TBX15: variants seen among roughly 807,000 people sequenced by gnomAD.
The protein encoded by TBX15 is T-box transcription factor TBX15.
A neutral mutation model predicts 53.9 loss-of-function variants in TBX15; 18 were observed. That is an observed-to-expected ratio of 0.33 (90% CI 0.23 to 0.49). The LOEUF (loss-of-function observed/expected upper bound fraction) is 0.49, where lower values mean the gene tolerates loss of function less well. Ranked by LOEUF, TBX15 falls within the 20% of genes least tolerant of loss-of-function variation. The probability of loss-of-function intolerance (pLI) is 0.98; values close to 1 mark genes in which losing one functional copy is unlikely to be tolerated. For synonymous variants in TBX15, 295 were observed against 278.0 expected, an observed-to-expected ratio of 1.06 and a Z score of -0.61; for missense variants, 692 against 749.5, an observed-to-expected ratio of 0.92 and a Z score of 0.90.
chr1:118,915,265 T>C (rs1175004431), intron 5 of TBX15, among the ~76,000 whole-genome samples: 1 of 152,248 alleles, frequency 6.6e-6, no homozygotes, highest in Non-Finnish European at 1.5e-5. Flanking sequence ...ACCATCTTCA[T>C]ATTTTTGATA....
chr1:118,944,980 G>A (rs1343302434), intron 1 of TBX15, among the ~76,000 whole-genome samples: 1 of 152,162 alleles, frequency 6.6e-6, no homozygotes, highest in East Asian at 1.9e-4. Context: ...TCTGTTGGAG[G>A]CCTCTTCTCA....
intron 6 of TBX15, among the ~76,000 whole-genome samples, chr1:118,912,120 A>G (rs1380538858): frequency 2.0e-5 from 3 of 152,218 alleles, no homozygotes; most frequent in Admixed American, 1.3e-4. Flanking sequence ...ACTCAGAAAA[A>G]CAATGACTCA....
chr1:118,979,193 GTTTC>G (rs1657553597), intron 1 of TBX15, among the ~76,000 whole-genome samples: 1 of 146,716 alleles, frequency 6.8e-6, no homozygotes, highest in Non-Finnish European at 1.5e-5. Flanking sequence ...CACTTGGTTG[GTTTC>G]TTTTTCTTTC....
At chr1:118,908,205 T>C (rs1392731488) in intron 6 of TBX15, among the ~76,000 whole-genome samples, 1 of 152,164 alleles carries the variant, frequency 6.6e-6, no homozygotes, top group Admixed American at 6.5e-5. Flanking sequence ...GTGCCATTCA[T>C]CAACACCTTT....
intron 6 of TBX15, among the ~76,000 whole-genome samples, chr1:118,901,178 G>A (rs1654618543): frequency 6.6e-6 from 1 of 152,154 alleles, no homozygotes; most frequent in South Asian, 2.1e-4. Context: ...AAACAATAAA[G>A]TTTATTTGGC....
At chr1:118,956,421 T>C (rs1157026485) in intron 1 of TBX15, among the ~76,000 whole-genome samples, 2 of 152,138 alleles carry the variant, frequency 1.3e-5, no homozygotes, top group Non-Finnish European at 2.9e-5. Context: ...TAAATGTTTA[T>C]ACAAAAACAC....
At chr1:118,959,387 G>A (rs1359549937) in intron 1 of TBX15, among the ~76,000 whole-genome samples, 7 of 152,210 alleles carry the variant, frequency 4.6e-5, no homozygotes, top group Admixed American at 1.3e-4. Context: ...CAAGGCTTCT[G>A]CAGCTGAACA....
At chr1:118,913,389 C>T (rs758789297) in intron 6 of TBX15, among the ~76,000 whole-genome samples, 3 of 152,176 alleles carry the variant, frequency 2.0e-5, no homozygotes, top group Admixed American at 6.5e-5. Flanking sequence ...CATTTTGATT[C>T]TCTCCTAACT....
chr1:118,906,145 G>T lies in TBX15; in HGVS notation c.927-7020C>A, dbSNP rs528090043. On this transcript the variant is annotated intron_variant, in intron 6 of 7. Transcript: ENST00000369429. ...TTGTTACTATTGCTTGTATACTTAT[G>T]ATTTGAATGGCTAACAATAAATATA... Among the ~76,000 whole-genome samples the T allele has an allele frequency of 2.6e-5, 4 of 152,304 alleles. No homozygotes were observed. The South Asian group carries it at 8.3e-4, about 32-fold the overall frequency.
At chr1:118,980,385 C>G (rs1192440286) in intron 1 of TBX15, among the ~76,000 whole-genome samples, 2 of 152,124 alleles carry the variant, frequency 1.3e-5, no homozygotes, top group African/African-American at 4.8e-5. Flanking sequence ...TCTAATGTTC[C>G]CTTTCCAAGG....
At chr1:118,929,822 A>G (rs1330624212) in intron 2 of TBX15, among the ~76,000 whole-genome samples, 1 of 149,550 alleles carries the variant, frequency 6.7e-6, no homozygotes, top group Non-Finnish European at 1.5e-5. Flanking sequence ...TAATAAAGTA[A>G]AAACCCAAAA....
chr1:118,981,104 G>C (rs1557909225), intron 1 of TBX15, among the ~76,000 whole-genome samples: 1 of 152,122 alleles, frequency 6.6e-6, no homozygotes, highest in Non-Finnish European at 1.5e-5. Flanking sequence ...CCAAAGTGCT[G>C]GGGTTACAGG....
intron 4 of TBX15, 97 bp downstream of exon 4, chr1:118,924,549 T>C: frequency 7.0e-7 from 1 of 1,431,136 alleles, no homozygotes; most frequent in East Asian, 2.3e-5. Flanking sequence ...GCATAGAGAT[T>C]CCTTATTTTA....
At chr1:118,939,437 C>A (rs2765536) in intron 1 of TBX15, among the ~76,000 whole-genome samples, 57,957 of 82,794 alleles carry the variant, frequency 0.7, 18,368 homozygotes, top group African/African-American at 0.73. Context: ...AAAAAAAAAA[C>A]AAAAACAGGA....
chr1:118,987,507 C>T, intron 1 of TBX15, 84 bp downstream of exon 1: 1 of 1,452,852 alleles, frequency 6.9e-7, no homozygotes, highest in Non-Finnish European at 9.1e-7. Context: ...AATGGCAGGG[C>T]CTAGCTCCTC....
At chr1:118,942,377 G>T (rs550657014) in intron 1 of TBX15, among the ~76,000 whole-genome samples, 2 of 152,320 alleles carry the variant, frequency 1.3e-5, no homozygotes, top group Admixed American at 6.5e-5. Flanking sequence ...ATGAATTAAT[G>T]AATGAAATGC....
chr1:118,900,016 T>C (rs549894680), intron 6 of TBX15, among the ~76,000 whole-genome samples: 1 of 152,210 alleles, frequency 6.6e-6, no homozygotes, highest in Non-Finnish European at 1.5e-5. Context: ...TGAGATTATC[T>C]CAGACATATT....
intron 1 of TBX15, among the ~76,000 whole-genome samples, chr1:118,965,422 T>C (rs1381788017): frequency 6.6e-6 from 1 of 152,164 alleles, no homozygotes; most frequent in East Asian, 1.9e-4. Flanking sequence ...AAGACAAAAA[T>C]ATTTTCTAAT....
At chr1:118,905,182 A>G (rs918039067) in intron 6 of TBX15, among the ~76,000 whole-genome samples, 2 of 152,182 alleles carry the variant, frequency 1.3e-5, no homozygotes, top group Non-Finnish European at 2.9e-5. Context: ...TTAAATGTGG[A>G]GGGAGCTGTA....
Sources: allele counts gnomAD v4.1 joint callset (sites outside exome capture counted in the v4.1 genomes callset), GRCh38; gene constraint gnomAD v4.1.1; transcripts MANE v1.5; gene names NCBI Gene and HGNC (gene_info 2026-07-23, HGNC 2026-07-21).